The following METTL15 variants were observed in gnomAD, a reference collection of about 807,000 sequenced individuals.
METTL15 encodes 12S rRNA N(4)-cytidine methyltransferase METTL15.
A neutral mutation model predicts 38.3 loss-of-function variants in METTL15; 34 were observed. The ratio of observed to expected loss-of-function variants is 0.89; its 90% CI spans 0.68 to 1.18. METTL15 has a LOEUF of 1.18. Among genes scored for constraint, METTL15 ranks in the 50% most tolerant of loss-of-function variants. METTL15 has a pLI of 0.00. For missense variants in METTL15, 438 were observed against 498.4 expected (o/e 0.88, Z 1.15); for synonymous variants, 162 against 170.9 (o/e 0.95, Z 0.41).
At chr11:28,454,643 G>A (rs951901986) in intron 6 of METTL15, among the ~76,000 whole-genome samples, 1 of 152,274 alleles carries the variant, frequency 6.6e-6, no homozygotes. Context: ...ACCTCTCTTG[G>A]TTGTTGGAGT....
intron 6 of METTL15, among the ~76,000 whole-genome samples, chr11:28,480,471 A>G (rs760107944): frequency 3.3e-5 from 5 of 152,208 alleles, no homozygotes; most frequent in African/African-American, 4.8e-5. Flanking sequence ...CTATAAATCT[A>G]TATAATAAAA....
At chr11:28,268,047 A>G (rs1855496711) in intron 4 of METTL15, among the ~76,000 whole-genome samples, 1 of 151,486 alleles carries the variant, frequency 6.6e-6, no homozygotes, top group Admixed American at 6.6e-5. Context: ...AATACAAAAA[A>G]TTAGCCGGGC....
intron 5 of METTL15, among the ~76,000 whole-genome samples, chr11:28,390,079 G>GTT: frequency 6.6e-6 from 1 of 150,938 alleles, no homozygotes; most frequent in East Asian, 1.9e-4. Context: ...TGATGGGGTT[G>GTT]TTTTTTTCTT....
At chr11:28,467,142 G>A (rs956476811) in intron 6 of METTL15, among the ~76,000 whole-genome samples, 2 of 152,080 alleles carry the variant, frequency 1.3e-5, no homozygotes, top group African/African-American at 4.8e-5. Context: ...GCATCTCATC[G>A]AGGAGGCACT....
chr11:28,389,661 T>C (rs946992968), intron 5 of METTL15, among the ~76,000 whole-genome samples: 2 of 151,934 alleles, frequency 1.3e-5, no homozygotes, highest in African/African-American at 4.8e-5. Flanking sequence ...TTCCAGGTCT[T>C]TGCTATTGTG....
chr11:28,183,205 A>G (rs2128956), intron 3 of METTL15, among the ~76,000 whole-genome samples: 70,436 of 151,930 alleles, frequency 0.46, 17,874 homozygotes, highest in Admixed American at 0.56. Flanking sequence ...ATCTGCAAAC[A>G]GAGACAACAT....
chr11:28,465,698 A>G (rs1590384052), intron 6 of METTL15, among the ~76,000 whole-genome samples: 1 of 152,200 alleles, frequency 6.6e-6, no homozygotes, highest in South Asian at 2.1e-4. Flanking sequence ...CTCTTGATTC[A>G]CTACTCATCT....
At chr11:28,468,122 C>A (rs993212858) in intron 6 of METTL15, among the ~76,000 whole-genome samples, 2 of 152,174 alleles carry the variant, frequency 1.3e-5, no homozygotes, top group Non-Finnish European at 2.9e-5. Flanking sequence ...GGTGACACAC[C>A]CCAAGTGACT....
chr11:28,505,834 G>C (rs915059789), intron 6 of METTL15, among the ~76,000 whole-genome samples: 1 of 152,176 alleles, frequency 6.6e-6, no homozygotes, highest in African/African-American at 2.4e-5. Flanking sequence ...GAGTGACTGT[G>C]TAATGACGAT....
intron 6 of METTL15, among the ~76,000 whole-genome samples, chr11:28,318,590 A>G (rs1225421067): frequency 6.6e-6 from 1 of 152,206 alleles, no homozygotes; most frequent in South Asian, 2.1e-4. Context: ...CTCTATCAAC[A>G]TTTCTTAAGC....
chr11:28,395,649 C>A (rs531574676), intron 5 of METTL15, among the ~76,000 whole-genome samples: 43 of 152,238 alleles, frequency 2.8e-4, no homozygotes, highest in Admixed American at 1.6e-3. Flanking sequence ...GGATTCACAG[C>A]CTAATTCTAC....
chr11:28,370,254 T>C (rs867362391), intron 5 of METTL15, among the ~76,000 whole-genome samples: 22 of 151,940 alleles, frequency 1.4e-4, no homozygotes, highest in South Asian at 2.1e-4. Context: ...ACCACCAATC[T>C]ATACTAAAGC....
chr11:28,169,553 T>G (rs1302175487), intron 3 of METTL15, among the ~76,000 whole-genome samples: 1 of 152,158 alleles, frequency 6.6e-6, no homozygotes, highest in African/African-American at 2.4e-5. Context: ...AGGAGGTGAT[T>G]TCTGTTTTGT....
chr11:28,372,820 C>T (rs1341272923), intron 5 of METTL15, among the ~76,000 whole-genome samples: 1 of 130,036 alleles, frequency 7.7e-6, no homozygotes, highest in Non-Finnish European at 1.6e-5. Flanking sequence ...CTTCCTGTGT[C>T]CATGTGATCT....
intron 3 of METTL15, among the ~76,000 whole-genome samples, chr11:28,198,683 C>T (rs1217519047): frequency 6.6e-6 from 1 of 151,996 alleles, no homozygotes; most frequent in Non-Finnish European, 1.5e-5. Context: ...GATACTTGAC[C>T]GAGCTTCACA....
At chr11:28,287,865 C>T (rs1565225944) in intron 4 of METTL15, among the ~76,000 whole-genome samples, 1 of 152,094 alleles carries the variant, frequency 6.6e-6, no homozygotes, top group Admixed American at 6.6e-5. Flanking sequence ...TCACATTCTT[C>T]TGGGGACCAG....
rs532884996 is a variant in METTL15, at chr11:28,418,146, C to G, written c.*359-6153C>G. 2.7e-3 allele frequency among the ~76,000 whole-genome samples: 409 copies of G among 152,224 alleles called. 2 individuals carry two copies. The highest frequency in any genetic ancestry group is 4.5e-3 in the Non-Finnish European group (308 of 68,002). On this transcript the variant is annotated intron_variant and NMD_transcript_variant, in intron 5 of 7. Coordinates refer to the METTL15 transcript ENST00000532947. ...CAGTCTTTGATACTGCCAGCTGTCA[C>G]TCTTTGATACTGCCAGTGTATGTCT... is the stretch of plus-strand genomic sequence containing the variant.
At chr11:28,322,444 A>T (rs1849502803) in intron 6 of METTL15, among the ~76,000 whole-genome samples, 1 of 152,136 alleles carries the variant, frequency 6.6e-6, no homozygotes, top group African/African-American at 2.4e-5. Flanking sequence ...AAAGAAATGA[A>T]AATTAAAACA....
intron 5 of METTL15, among the ~76,000 whole-genome samples, chr11:28,406,901 T>C (rs1850679213): frequency 6.6e-6 from 1 of 152,216 alleles, no homozygotes; most frequent in Non-Finnish European, 1.5e-5. Context: ...TGAAGGAATG[T>C]TGAATTTTAT....
Sources: gnomAD v4.1 joint callset for allele counts (sites outside exome capture counted in the v4.1 genomes callset) on GRCh38, gnomAD v4.1.1 for gene constraint, MANE v1.5 for transcripts, NCBI Gene and HGNC (gene_info 2026-07-23, HGNC 2026-07-21) for gene names.